Variants in CSNK1G1 observed in about 807,000 individuals in gnomAD.
CSNK1G1 encodes casein kinase 1 gamma 1.
A neutral mutation model predicts 59.6 loss-of-function variants in CSNK1G1; 22 were observed. The ratio of observed to expected loss-of-function variants is 0.37; its 90% CI spans 0.26 to 0.53. The LOEUF (loss-of-function observed/expected upper bound fraction) is 0.53. CSNK1G1 is among the 20% of genes least tolerant of loss of function. The pLI, the probability that CSNK1G1 is intolerant of heterozygous loss-of-function variation, is 0.89. For synonymous variants in CSNK1G1, 179 were observed against 177.1 expected (o/e 1.01, Z -0.08); for missense variants, 384 against 519.5 (o/e 0.74, Z 2.54).
At position 64,171,018 on chromosome 15, in the gene CSNK1G1, T is replaced by C. The variant is rs1644660355; in HGVS notation, c.*913A>G. 6.6e-6 allele frequency: 1 copy of C among 152,560 alleles called. No individual in the cohort carries two copies. Among genetic ancestry groups the C allele is most frequent in the African/African-American group, 2.4e-5 (1 of 41,416 alleles). 9.5% of individuals were successfully genotyped at this position (152,560 alleles called of 1,614,324 possible). A position where few individuals can be genotyped will look rare whatever the true frequency, so the allele number is the denominator to read the frequency against. The stretch of plus-strand genomic sequence containing the variant: ...TGGCTTCTCTTCTGGGTGCTGCAGA[T>C]CAAACTCTTTCCACTGAGAATGTCC... On this transcript the variant is annotated 3_prime_UTR_variant, in exon 12 of 12. Transcript: ENST00000303052. The surrounding 1 kb of genome is among the most constrained non-coding windows in gnomAD (Gnocchi z 4.8).
In CSNK1G1 at chr15:64,167,411, C is replaced by G. The variant is rs774196110; in HGVS notation, c.*4520G>C. 1.3e-5 allele frequency: 2 copies of G among 152,644 alleles called. No individual in the cohort carries two copies. Among genetic ancestry groups the G allele is most frequent in the African/African-American group, 2.4e-5 (1 of 41,456 alleles). The allele number at this position is 152,644 out of a possible 1,614,324, so 9.5% of individuals were successfully genotyped here. On this transcript the variant is annotated 3_prime_UTR_variant, in exon 12 of 12. Transcript: ENST00000303052. ...TCCTATCAACCCCTCATGGGAAAGACTAGGAGTCTCTGCCATCGACCTCTA... is the reference window on the plus strand; with the variant it reads ...TCCTATCAACCCCTCATGGGAAAGAGTAGGAGTCTCTGCCATCGACCTCTA...
chr15:64,325,952 T>G (rs1896814250), intron 1 of CSNK1G1, among the ~76,000 whole-genome samples: 1 of 152,176 alleles, frequency 6.6e-6, no homozygotes, highest in Non-Finnish European at 1.5e-5. Flanking sequence ...ACATCACACT[T>G]TACCTCATTA....
intron 10 of CSNK1G1, among the ~76,000 whole-genome samples, chr15:64,201,706 ATGTG>A (rs10664838): frequency 0.12 from 14,652 of 126,426 alleles, 910 homozygotes; most frequent in Non-Finnish European, 0.15. Context: ...TCCATTGGAC[ATGTG>A]TGTGTGTGTG....
chr15:64,297,191 G>A (rs1459587229), intron 2 of CSNK1G1, among the ~76,000 whole-genome samples: 1 of 152,004 alleles, frequency 6.6e-6, no homozygotes, highest in Non-Finnish European at 1.5e-5. Context: ...TTCAGATAGT[G>A]ATGAATGCAA....
chr15:64,278,393 T>TGC (rs1893894450), intron 2 of CSNK1G1, among the ~76,000 whole-genome samples: 1 of 127,200 alleles, frequency 7.9e-6, no homozygotes, highest in South Asian at 2.6e-4. Flanking sequence ...TGTGTGTGTG[T>TGC]GTGTGTGTGT....
chr15:64,178,172 G>A (rs1384458153), intron 11 of CSNK1G1, among the ~76,000 whole-genome samples: 2 of 152,138 alleles, frequency 1.3e-5, no homozygotes, highest in African/African-American at 2.4e-5. Context: ...GAGCCCAGAG[G>A]GTGGGAGTAA....
chr15:64,178,220 A>G (rs1413533334), intron 11 of CSNK1G1, among the ~76,000 whole-genome samples: 1 of 152,186 alleles, frequency 6.6e-6, no homozygotes, highest in Non-Finnish European at 1.5e-5. Context: ...TTTGTATGGA[A>G]ATCGAAAAAC....
At chr15:64,178,038 G>T (rs1210036297) in intron 11 of CSNK1G1, among the ~76,000 whole-genome samples, 2 of 152,122 alleles carry the variant, frequency 1.3e-5, no homozygotes. Context: ...AGAATGACCT[G>T]AACTTTTAAA....
At chr15:64,346,950 C>G (rs1282720679) in intron 1 of CSNK1G1, among the ~76,000 whole-genome samples, 2 of 152,138 alleles carry the variant, frequency 1.3e-5, no homozygotes, top group Admixed American at 6.6e-5. Context: ...ACAATGACCA[C>G]TTAAAACTCA....
At chr15:64,261,891 G>A (rs1450323983) in intron 2 of CSNK1G1, among the ~76,000 whole-genome samples, 2 of 146,878 alleles carry the variant, frequency 1.4e-5, no homozygotes, top group African/African-American at 5.1e-5. Flanking sequence ...GCAGTGAGCC[G>A]AGATCGCACC....
At chr15:64,330,763 T>A (rs1175841067) in intron 1 of CSNK1G1, among the ~76,000 whole-genome samples, 4 of 51,244 alleles carry the variant, frequency 7.8e-5, no homozygotes, top group African/African-American at 1.6e-4. Flanking sequence ...ACATGATTGT[T>A]TATCTAGAAA....
intron 2 of CSNK1G1, among the ~76,000 whole-genome samples, chr15:64,261,377 G>A (rs1401941826): frequency 1.3e-5 from 2 of 152,122 alleles, no homozygotes; most frequent in African/African-American, 4.8e-5. Context: ...GAGGTGGGTG[G>A]ATCACCTGAG....
At chr15:64,203,443 A>G (rs2082134928) in intron 9 of CSNK1G1, among the ~76,000 whole-genome samples, 1 of 152,110 alleles carries the variant, frequency 6.6e-6, no homozygotes, top group African/African-American at 2.4e-5. Context: ...CGTGCCTGTA[A>G]TCTCAGCACT....
intron 10 of CSNK1G1, among the ~76,000 whole-genome samples, chr15:64,182,473 G>A (rs2081832295): frequency 6.6e-6 from 1 of 152,146 alleles, no homozygotes; most frequent in African/African-American, 2.4e-5. Context: ...AAAGACTGAT[G>A]AGGCATATTG....
intron 6 of CSNK1G1, among the ~76,000 whole-genome samples, chr15:64,209,367 A>C (rs923043382): frequency 1.3e-5 from 2 of 152,248 alleles, no homozygotes; most frequent in Non-Finnish European, 2.9e-5. Flanking sequence ...CAGAAGTGCA[A>C]CATGTTTAAC....
intron 4 of CSNK1G1, among the ~76,000 whole-genome samples, chr15:64,231,201 C>T (rs1596131276): frequency 7.2e-6 from 1 of 139,124 alleles, no homozygotes; most frequent in Admixed American, 6.8e-5. Flanking sequence ...TGATGTATGC[C>T]TGTGGTCCCA....
chr15:64,277,259 G>A lies in CSNK1G1; in HGVS notation c.182-18018C>T, dbSNP rs535078321. On this transcript the variant is annotated intron_variant, in intron 2 of 11. Coordinates refer to ENST00000303052, the MANE Select transcript of CSNK1G1 (RefSeq NM_022048.5). Reference sequence around the variant, plus strand: ...GTGAGAGAATCACTTGAGGCCAGGGGTTTGAGATCAGCCTAGGCAACAAAG... The same window carrying A: ...GTGAGAGAATCACTTGAGGCCAGGGATTTGAGATCAGCCTAGGCAACAAAG... Among the ~76,000 whole-genome samples the A allele has an allele frequency of 1.8e-4, 27 of 152,130 alleles. No individual in the cohort carries two copies. The South Asian group carries it at 5.2e-3, about 29-fold the overall frequency.
At chr15:64,234,527 T>C (rs2140296162) in intron 4 of CSNK1G1, among the ~76,000 whole-genome samples, 1 of 152,258 alleles carries the variant, frequency 6.6e-6, no homozygotes. Flanking sequence ...GTGAGTACAA[T>C]ACATTGTGAA....
chr15:64,221,818 A>G (rs1475152054), intron 4 of CSNK1G1, among the ~76,000 whole-genome samples: 1 of 152,062 alleles, frequency 6.6e-6, no homozygotes, highest in African/African-American at 2.4e-5. Flanking sequence ...ACACTTTTAC[A>G]CTGTTGGTAG....
Sources: gnomAD v4.1 joint callset for allele counts (sites outside exome capture counted in the v4.1 genomes callset) on GRCh38, gnomAD v4.1.1 for gene constraint, Gnocchi (gnomAD v3.1) non-coding constraint, MANE v1.5 for transcripts, NCBI Gene and HGNC (gene_info 2026-07-23, HGNC 2026-07-21) for gene names.